ACTG2: variants seen among roughly 807,000 people sequenced by gnomAD.
The protein encoded by ACTG2 is actin, gamma-enteric smooth muscle.
ACTG2 carries 16 observed loss-of-function variants against 37.6 expected under a neutral mutation model. The ratio of observed to expected loss-of-function variants is 0.43; its 90% CI spans 0.29 to 0.65. The LOEUF (loss-of-function observed/expected upper bound fraction) is 0.65. ACTG2 is among the 30% of genes least tolerant of loss of function. The pLI, the probability that ACTG2 is intolerant of heterozygous loss-of-function variation, is 0.18. For missense variants in ACTG2, 238 were observed against 490.9 expected (o/e 0.48, Z 4.87); for synonymous variants, 181 against 179.9 (o/e 1.01, Z -0.05).
intron 1 of ACTG2, among the ~76,000 whole-genome samples, chr2:73,898,237 C>T (rs1176087103): frequency 2.7e-5 from 4 of 146,864 alleles, no homozygotes; most frequent in South Asian, 2.2e-4. Context: ...GAAGTGTCCT[C>T]GGTGGGTGCC....
intron 8 of ACTG2, among the ~76,000 whole-genome samples, chr2:73,917,789 G>A (rs1680300202): frequency 1.3e-5 from 2 of 152,202 alleles, no homozygotes; most frequent in Non-Finnish European, 2.9e-5. Context: ...GTGAGAACCT[G>A]TGGGCTCTTC....
At chr2:73,909,424 G>C (rs1680081121) in intron 5 of ACTG2, among the ~76,000 whole-genome samples, 1 of 152,190 alleles carries the variant, frequency 6.6e-6, no homozygotes, top group African/African-American at 2.4e-5. Context: ...TCTGCTTCAT[G>C]AAGCAGAAAG....
At chr2:73,908,919 TG>T in intron 4 of ACTG2, 135 bp from the exon 5 acceptor site, 1 of 1,196,604 alleles carries the variant, frequency 8.4e-7, no homozygotes. Flanking sequence ...TGCCAGGCCC[TG>T]GGGGAGTGGG....
chr2:73,896,357 A>G (rs1028944299), intron 1 of ACTG2, among the ~76,000 whole-genome samples: 2 of 152,000 alleles, frequency 1.3e-5, no homozygotes, highest in African/African-American at 4.8e-5. Flanking sequence ...CAAAAAAAAA[A>G]AAAAAAAAGA....
At chr2:73,906,058 T>C (rs1185579735) in intron 3 of ACTG2, among the ~76,000 whole-genome samples, 1 of 151,610 alleles carries the variant, frequency 6.6e-6, no homozygotes, top group African/African-American at 2.4e-5. Flanking sequence ...TAGTAATAAA[T>C]TTAAAAATAC....
At chr2:73,919,395 G>C (rs1238050803) in intron 8 of ACTG2, 37 bp from the exon 9 acceptor site, 2 of 1,605,858 alleles carry the variant, frequency 1.2e-6, no homozygotes, top group African/African-American at 1.3e-5. Flanking sequence ...TATTCCCTTG[G>C]GGACTGATCA....
chr2:73,897,440 C>T (rs1348613769), intron 1 of ACTG2: 1 of 152,464 alleles, frequency 6.6e-6, no homozygotes, highest in African/African-American at 2.4e-5. Flanking sequence ...GGACCACCTG[C>T]TAGAACAGGG....
chr2:73,904,777 G>GTGTGTGTATATATATATATATATA (rs1427483105), intron 3 of ACTG2, among the ~76,000 whole-genome samples: 2 of 42,608 alleles, frequency 4.7e-5, no homozygotes, highest in Non-Finnish European at 9.5e-5. Context: ...GTGTGTGTGT[G>GTGTGTGTATATATATATATATATA]TATATATATA....
chr2:73,899,962 C>T (rs1679842213), intron 1 of ACTG2, among the ~76,000 whole-genome samples: 2 of 152,192 alleles, frequency 1.3e-5, no homozygotes, highest in South Asian at 4.1e-4. Flanking sequence ...CAAGCCTCTG[C>T]TCAGCATCTA....
At chr2:73,902,841 C>T in intron 3 of ACTG2, 7 of 1,429,978 alleles carry the variant, frequency 4.9e-6, no homozygotes, top group Non-Finnish European at 6.6e-6. Flanking sequence ...TCCTAACTCC[C>T]CGTCTTGGCA....
chr2:73,900,879 G>A (rs1436616623), intron 1 of ACTG2, among the ~76,000 whole-genome samples: 1 of 151,992 alleles, frequency 6.6e-6, no homozygotes, highest in Non-Finnish European at 1.5e-5. Flanking sequence ...CCTTCTCACT[G>A]CATCCTCCCG....
chr2:73,914,808 G>A lies in ACTG2; in HGVS notation c.742G>A (p.Val248Ile). ...EKSYELPDGQ[V>I]ITIGNERFRC... ...GAGCTATGAGCTGCCAGATGGGCAGGTTATCACCATTGGCAATGAGCGCTT... is the reference window on the plus strand; with the variant it reads ...GAGCTATGAGCTGCCAGATGGGCAGATTATCACCATTGGCAATGAGCGCTT... The change falls in exon 7 of 9, where the codon GTT becomes ATT. Residue 248 changes from valine to isoleucine, a missense_variant. By Grantham distance (29) the Val-to-Ile change is conservative. Transcript: ENST00000345517. 1 of 1,611,264 alleles carries A rather than the reference G, an allele frequency of 6.2e-7. No individual in the cohort carries two copies. Among genetic ancestry groups the A allele is most frequent in the Non-Finnish European group, 8.5e-7 (1 of 1,178,082 alleles).
intron 5 of ACTG2, 73 bp from the exon 6 acceptor site, chr2:73,913,412 G>T: frequency 7.3e-7 from 1 of 1,364,598 alleles, no homozygotes; most frequent in Middle Eastern, 2.0e-4. Flanking sequence ...GAGCTCATTG[G>T]TAACAGTCCT....
At chr2:73,903,983 G>T (rs1289549301) in intron 3 of ACTG2, among the ~76,000 whole-genome samples, 1 of 147,300 alleles carries the variant, frequency 6.8e-6, no homozygotes, top group Admixed American at 6.8e-5. Context: ...ACATAATAGA[G>T]GCCAGTGGCT....
At chr2:73,898,288 T>C (rs1291076337) in intron 1 of ACTG2, among the ~76,000 whole-genome samples, 1 of 128,846 alleles carries the variant, frequency 7.8e-6, no homozygotes, top group East Asian at 2.2e-4. Flanking sequence ...AAGAGATCTC[T>C]GGCTAAGTTC....
chr2:73,919,343 C>T, intron 8 of ACTG2, 89 bp from the exon 9 acceptor site: 3 of 1,452,066 alleles, frequency 2.1e-6, no homozygotes, highest in Non-Finnish European at 2.8e-6. Context: ...GACCATGGGG[C>T]TCCCCTTTTC....
In ACTG2 at chr2:73,893,674, G is replaced by C. The variant is rs142730045; in HGVS notation, c.-37+623G>C. On this transcript the variant is annotated intron_variant, in intron 1 of 8. Coordinates refer to ENST00000345517, the MANE Select transcript of ACTG2 (RefSeq NM_001615.4). Reference sequence around the variant, plus strand: ...TGTGGCATCGTGAGGTTTCAGGGTAGAAGGAACTTGGGACCCATCTAGTTC... The same window carrying C: ...TGTGGCATCGTGAGGTTTCAGGGTACAAGGAACTTGGGACCCATCTAGTTC... Among the ~76,000 whole-genome samples the C allele has an allele frequency of 3.3e-3, 498 of 152,288 alleles. 5 individuals are homozygous for C. Among genetic ancestry groups the C allele is most frequent in the African/African-American group, 9.7e-3 (404 of 41,550 alleles).
chr2:73,906,401 A>C (rs926754688), intron 3 of ACTG2, among the ~76,000 whole-genome samples: 3 of 152,132 alleles, frequency 2.0e-5, no homozygotes, highest in Admixed American at 2.0e-4. Context: ...CAGTGAGCCG[A>C]GATGGCGCCA....
intron 1 of ACTG2, chr2:73,896,856 A>T (rs1255084866): frequency 6.6e-6 from 1 of 152,210 alleles, no homozygotes; most frequent in Non-Finnish European, 1.5e-5. Flanking sequence ...CCAAGCATGA[A>T]GCGGTTGTGA....
Sources: allele counts gnomAD v4.1 joint callset (sites outside exome capture counted in the v4.1 genomes callset), GRCh38; gene constraint gnomAD v4.1.1; transcripts MANE v1.5; gene names NCBI Gene and HGNC (gene_info 2026-07-23, HGNC 2026-07-21).